AGBL1: variants seen among roughly 807,000 people sequenced by gnomAD.
AGBL1 encodes the protein cytosolic carboxypeptidase 4.
A neutral mutation model predicts 118.9 loss-of-function variants in AGBL1; 130 were observed. That is an observed-to-expected ratio of 1.09 (90% CI 0.95 to 1.26). The LOEUF is 1.26. AGBL1 is among the 50% of genes most tolerant of loss of function. AGBL1 has a pLI of 0.00. For missense variants in AGBL1, 1,584 were observed against 1,298.1 expected, an observed-to-expected ratio of 1.22 and a Z score of -3.38; for synonymous variants, 555 against 478.9, an observed-to-expected ratio of 1.16 and a Z score of -2.08.
At chr15:86,691,319 G>C (rs2575870) in intron 22 of AGBL1, among the ~76,000 whole-genome samples, 82,567 of 152,012 alleles carry the variant, frequency 0.54, 23,051 homozygotes, top group Non-Finnish European at 0.6. Context: ...CTGAGAGCTT[G>C]GATTTCCCTG....
At chr15:86,489,755 C>A (rs2082756416) in intron 18 of AGBL1, among the ~76,000 whole-genome samples, 1 of 152,020 alleles carries the variant, frequency 6.6e-6, no homozygotes. Flanking sequence ...GCGATTTTGC[C>A]CTTGACTGAA....
intron 21 of AGBL1, among the ~76,000 whole-genome samples, chr15:86,641,405 A>T (rs924616342): frequency 6.6e-6 from 1 of 151,108 alleles, no homozygotes; most frequent in African/African-American, 2.4e-5. Flanking sequence ...CTACCACTCA[A>T]TTTTTTTTAA....
At chr15:86,583,197 T>A (rs72757844) in intron 21 of AGBL1, among the ~76,000 whole-genome samples, 52,417 of 151,848 alleles carry the variant, frequency 0.35, 11,173 homozygotes, top group Middle Eastern at 0.49. Context: ...GGAGTACATG[T>A]GCAGGATTGT....
chr15:86,174,653 TG>T (rs2077457989), intron 5 of AGBL1, among the ~76,000 whole-genome samples: 1 of 152,022 alleles, frequency 6.6e-6, no homozygotes, highest in African/African-American at 2.4e-5. Flanking sequence ...ATGTTTCTTA[TG>T]TTTTATTATG....
At chr15:86,594,556 A>G (rs778413133) in intron 21 of AGBL1, among the ~76,000 whole-genome samples, 3 of 152,210 alleles carry the variant, frequency 2.0e-5, no homozygotes, top group Non-Finnish European at 4.4e-5. Context: ...AATGCTTTTT[A>G]TAATGATATA....
chr15:86,937,566 A>ACTTATAAG (rs2080691499), intron 23 of AGBL1, among the ~76,000 whole-genome samples: 1 of 152,204 alleles, frequency 6.6e-6, no homozygotes, highest in African/African-American at 2.4e-5. Flanking sequence ...CAAATATCAC[A>ACTTATAAG]TGTTCTCACT....
At chr15:86,458,139 T>C (rs1027186834) in intron 18 of AGBL1, among the ~76,000 whole-genome samples, 2 of 152,080 alleles carry the variant, frequency 1.3e-5, no homozygotes, top group Non-Finnish European at 2.9e-5. Context: ...TTAAATGAGG[T>C]CAACTACTAT....
intron 21 of AGBL1, among the ~76,000 whole-genome samples, chr15:86,589,171 T>C (rs1329303375): frequency 6.6e-6 from 1 of 152,162 alleles, no homozygotes; most frequent in Admixed American, 6.5e-5. Flanking sequence ...CCGGATGAGA[T>C]GTCAGAGCCC....
At chr15:86,965,934 A>T (rs888892065) in intron 23 of AGBL1, among the ~76,000 whole-genome samples, 5 of 152,040 alleles carry the variant, frequency 3.3e-5, no homozygotes, top group Non-Finnish European at 5.9e-5. Context: ...GCAAACTACC[A>T]TGGCATGTGT....
rs569047336 is a variant in AGBL1, at chr15:87,002,538, G to C, written c.3323+14450G>C. 5.1e-3 allele frequency among the ~76,000 whole-genome samples: 779 copies of C among 152,154 alleles called. 8 individuals are homozygous for C. Among genetic ancestry groups the C allele is most frequent in the African/African-American group, 0.018 (751 of 41,508 alleles). On this transcript the variant is annotated intron_variant, in intron 24 of 24. Coordinates refer to the AGBL1 transcript ENST00000441037. ...AGAAAGTCTTTGGTAGCTTGATGGGGATGGCACTGAATCTATAAATTACCT... is the reference window on the plus strand; with the variant it reads ...AGAAAGTCTTTGGTAGCTTGATGGGCATGGCACTGAATCTATAAATTACCT...
At chr15:86,683,057 A>T (rs1487891015) in intron 22 of AGBL1, among the ~76,000 whole-genome samples, 1 of 152,174 alleles carries the variant, frequency 6.6e-6, no homozygotes, top group Non-Finnish European at 1.5e-5. Context: ...TAGCCTTTTG[A>T]ATAATAGATG....
At chr15:86,164,157 G>T (rs1393178535) in intron 5 of AGBL1, among the ~76,000 whole-genome samples, 8 of 152,254 alleles carry the variant, frequency 5.3e-5, no homozygotes, top group African/African-American at 1.9e-4. Flanking sequence ...GGAGGGGCAT[G>T]TGGGGACAGC....
intron 17 of AGBL1, among the ~76,000 whole-genome samples, chr15:86,390,000 A>G (rs891381600): frequency 1.3e-5 from 2 of 152,134 alleles, no homozygotes; most frequent in Non-Finnish European, 2.9e-5. Context: ...ATAAAATACA[A>G]TATACAACCA....
intron 18 of AGBL1, among the ~76,000 whole-genome samples, chr15:86,493,745 A>G (rs1210164864): frequency 1.3e-5 from 2 of 152,108 alleles, no homozygotes; most frequent in East Asian, 3.9e-4. Flanking sequence ...AAACACACAC[A>G]GACACATCTC....
At chr15:86,828,746 C>G (rs2079065160) in intron 22 of AGBL1, among the ~76,000 whole-genome samples, 1 of 151,858 alleles carries the variant, frequency 6.6e-6, no homozygotes, top group Non-Finnish European at 1.5e-5. Context: ...TTTAAGAAAC[C>G]AAATTTGTGG....
intron 5 of AGBL1, among the ~76,000 whole-genome samples, chr15:86,209,242 G>T (rs1262295262): frequency 6.6e-6 from 1 of 152,208 alleles, no homozygotes; most frequent in African/African-American, 2.4e-5. Flanking sequence ...CCAATTATGT[G>T]GTCTATTTTA....
chr15:86,218,757 G>C (rs977811069), intron 5 of AGBL1, among the ~76,000 whole-genome samples: 5 of 152,222 alleles, frequency 3.3e-5, no homozygotes, highest in African/African-American at 1.2e-4. Flanking sequence ...TGGTCTTACT[G>C]TCTGTTGATA....
In AGBL1 at chr15:86,235,344, T is replaced by C. The variant is rs116189123; in HGVS notation, c.526+10393T>C. The stretch of plus-strand genomic sequence containing the variant: ...CAGTGAATAAGTGAATGCGTGCAGA[T>C]TGAACCCTGCTCAATCAATCCGCAT... On this transcript the variant is annotated intron_variant, in intron 6 of 22. Coordinates refer to ENST00000614907, the MANE Select transcript of AGBL1 (RefSeq NM_001386094.1). Among the ~76,000 whole-genome samples, 1,247 of 152,324 alleles carry C rather than the reference T, an allele frequency of 8.2e-3. 17 individuals carry two copies. The highest frequency in any genetic ancestry group is 0.028 in the African/African-American group (1,184 of 41,562).
intron 22 of AGBL1, among the ~76,000 whole-genome samples, chr15:86,727,536 A>G (rs565200825): frequency 4.1e-4 from 62 of 152,266 alleles, no homozygotes; most frequent in African/African-American, 1.5e-3. Flanking sequence ...TTCCCCAAGA[A>G]CTTGTTTTAT....
Sources: gnomAD v4.1 joint callset for allele counts (sites outside exome capture counted in the v4.1 genomes callset) on GRCh38, gnomAD v4.1.1 for gene constraint, MANE v1.5 for transcripts, NCBI Gene and HGNC (gene_info 2026-07-23, HGNC 2026-07-21) for gene names.